SLC16A6: variants seen among roughly 807,000 people sequenced by gnomAD.
SLC16A6 encodes the protein monocarboxylate transporter 7.
Under a neutral mutation model 33.8 loss-of-function variants are expected in SLC16A6, and 15 were observed. The observed-to-expected ratio is 0.44, with a 90% CI of 0.30 to 0.68. The LOEUF is 0.68. Ranked by LOEUF, SLC16A6 falls within the 30% of genes least tolerant of loss-of-function variation. The probability of loss-of-function intolerance (pLI) is 0.10; values close to 1 mark genes in which losing one functional copy is unlikely to be tolerated. For missense variants in SLC16A6, 451 were observed against 661.5 expected (o/e 0.68, Z 3.49); for synonymous variants, 219 against 248.4 (o/e 0.88, Z 1.11).
At chr17:68,289,163 T>C (rs1221147070) in intron 1 of SLC16A6, among the ~76,000 whole-genome samples, 2 of 152,042 alleles carry the variant, frequency 1.3e-5, no homozygotes, top group Non-Finnish European at 2.9e-5. Flanking sequence ...CCGGGCAACA[T>C]AGTGAGGCTG....
intron 2 of SLC16A6, among the ~76,000 whole-genome samples, chr17:68,276,399 T>C (rs1555750952): frequency 6.6e-6 from 1 of 152,132 alleles, no homozygotes; most frequent in African/African-American, 2.4e-5. Context: ...TCCATGACAG[T>C]GTGTAAGTGT....
chr17:68,286,214 A>T (rs1555754321), intron 1 of SLC16A6, among the ~76,000 whole-genome samples: 1 of 152,204 alleles, frequency 6.6e-6, no homozygotes, highest in Non-Finnish European at 1.5e-5. Context: ...TTCTGGTGCC[A>T]GCTGCCCCTT....
chr17:68,271,569 T>G lies in SLC16A6; in HGVS notation c.591A>C (p.Gly197=), dbSNP rs2075341015. Residue 197 remains glycine (G), a synonymous_variant, in exon 5 of 6, where the codon GGA becomes GGC. Transcript: ENST00000580666. The surrounding 1 kb of genome is among the most constrained non-coding windows in gnomAD (Gnocchi z 5.3). Reference sequence around the variant, plus strand: ...TGATAAAGATGGGTCTGAGCAGTGCTCCGAAGATGACAATGTTTAACTGTA... The same window carrying G: ...TGATAAAGATGGGTCTGAGCAGTGCGCCGAAGATGACAATGTTTAACTGTA... The part of the protein sequence containing the change: ...GLLQLNIVIF[G]ALLRPIFIRG... 4.3e-6 allele frequency: 7 copies of G among 1,614,112 alleles called. No homozygotes were observed. Among genetic ancestry groups the G allele is most frequent in the African/African-American group, 1.3e-5 (1 of 74,944 alleles).
At chr17:68,287,905 T>C (rs782480877) in intron 1 of SLC16A6, among the ~76,000 whole-genome samples, 13 of 151,962 alleles carry the variant, frequency 8.6e-5, no homozygotes, top group Non-Finnish European at 1.3e-4. Flanking sequence ...CTTCCTGGAC[T>C]CTTCTCCCTT....
intron 3 of SLC16A6, among the ~76,000 whole-genome samples, chr17:68,273,345 T>C (rs2075404987): frequency 6.6e-6 from 1 of 151,954 alleles, no homozygotes; most frequent in Non-Finnish European, 1.5e-5. Context: ...AGTGATAGGA[T>C]GGTTACAGCT....
rs1246868120 is a variant in SLC16A6, at chr17:68,268,804, G to A, written c.*292C>T. The A allele has an allele frequency of 1.6e-5, 6 of 364,768 alleles. No individual in the cohort carries two copies. Among genetic ancestry groups the A allele is most frequent in the African/African-American group, 6.2e-5 (3 of 48,086 alleles). 22.6% of individuals were successfully genotyped at this position (364,768 alleles called of 1,614,324 possible). A position where few individuals can be genotyped will look rare whatever the true frequency, so the allele number is the denominator to read the frequency against. Reference sequence around the variant, plus strand: ...TTTTAATATCGGAATGTGAACCAAAGAGTCTTTCTACATATCTCTTGTATT... The same window carrying A: ...TTTTAATATCGGAATGTGAACCAAAAAGTCTTTCTACATATCTCTTGTATT... On this transcript the variant is annotated 3_prime_UTR_variant, in exon 6 of 6. Coordinates refer to ENST00000580666, the MANE Select transcript of SLC16A6 (RefSeq NM_004694.5).
chr17:68,275,842 G>T (rs1239231628), intron 2 of SLC16A6, among the ~76,000 whole-genome samples: 2 of 151,790 alleles, frequency 1.3e-5, no homozygotes, highest in Admixed American at 1.3e-4. Flanking sequence ...AATTAGCCAG[G>T]CGTGGTGGCA....
At chr17:68,277,641 C>G (rs546887041) in intron 2 of SLC16A6, among the ~76,000 whole-genome samples, 53 of 152,028 alleles carry the variant, frequency 3.5e-4, no homozygotes, top group Middle Eastern at 3.2e-3. Context: ...TGTTGGCCAG[C>G]CTGGTCTTGA....
intron 1 of SLC16A6, among the ~76,000 whole-genome samples, chr17:68,285,300 T>A (rs782180652): frequency 2.6e-5 from 4 of 152,034 alleles, no homozygotes; most frequent in Admixed American, 6.6e-5. Context: ...ACAAAACATA[T>A]AGTGATAAAA....
intron 1 of SLC16A6, among the ~76,000 whole-genome samples, chr17:68,287,338 T>C (rs1478851997): frequency 6.6e-6 from 1 of 151,956 alleles, no homozygotes. Flanking sequence ...CTTTTTTTTT[T>C]TAATAGAGAC....
intron 1 of SLC16A6, among the ~76,000 whole-genome samples, chr17:68,283,478 G>C (rs1208300449): frequency 6.7e-6 from 1 of 148,560 alleles, no homozygotes; most frequent in South Asian, 2.1e-4. Flanking sequence ...CCGAGATCGC[G>C]CCACTGCACT....
intron 1 of SLC16A6, among the ~76,000 whole-genome samples, chr17:68,282,673 G>A (rs1196891878): frequency 2.0e-5 from 3 of 150,926 alleles, no homozygotes; most frequent in African/African-American, 7.3e-5. Context: ...GCCGGGCATG[G>A]TGGCTCATGC....
rs782052199 is a variant in SLC16A6 at position 68,269,116 on chromosome 17, C to T, written c.1552G>A (p.Val518Met). 36 of 1,515,658 alleles carry T rather than the reference C, an allele frequency of 2.4e-5. No homozygotes were observed. The highest frequency in any genetic ancestry group is 1.1e-4 in the East Asian group (5 of 43,826). 93.9% of individuals were successfully genotyped at this position (1,515,658 alleles called of 1,614,324 possible). ...GTGTGTCATACCGGCTCCATTTGCA[C>T]GTGAACTCTGTGCTCATTTTTTGCA... ...DLAKNEHRVHVQMEPV is the reference protein window; with the variant it reads ...DLAKNEHRVHMQMEPV The change falls in exon 6 of 6, where the codon GTG (valine) becomes ATG (methionine). Residue 518 changes from valine to methionine, a missense_variant. Val to Met is a conservative substitution (Grantham distance 21). Around this residue, in one of 2 missense-constraint regions of SLC16A6, gnomAD observed 46 missense variants for 150.8 expected, o/e 0.31. Coordinates refer to ENST00000580666, the MANE Select transcript of SLC16A6 (RefSeq NM_004694.5).
chr17:68,286,000 C>T (rs1599562167), intron 1 of SLC16A6, among the ~76,000 whole-genome samples: 1 of 152,134 alleles, frequency 6.6e-6, no homozygotes, highest in South Asian at 2.1e-4. Flanking sequence ...ACCTCGTGAT[C>T]CACCCACCTC....
chr17:68,271,045 G>A lies in SLC16A6; in HGVS notation c.1115C>T (p.Ser372Phe). ...ELICVILLTV[S>F]LFAFTFATEF... is the part of the protein sequence containing the mutation. ...AGTAGCAAAAGTAAAGGCAAACAGA[G>A]ACACAGTCAATAAGATGACGCAGAT... The change falls in exon 5 of 6, where the codon TCT (serine) becomes TTT (phenylalanine). Residue 372 changes from serine (S) to phenylalanine (F), a missense_variant. Around this residue, in one of 2 missense-constraint regions of SLC16A6, gnomAD observed 405 missense variants for 510.7 expected, o/e 0.79. Transcript: ENST00000580666. This position sits in a 1 kb window ranked among gnomAD's most constrained non-coding sequence, Gnocchi z 5.3. 2 of 1,614,164 alleles carry A rather than the reference G, an allele frequency of 1.2e-6. No individual in the cohort carries two copies. The highest frequency in any genetic ancestry group is 1.7e-6 in the Non-Finnish European group (2 of 1,180,042).
intron 1 of SLC16A6, chr17:68,285,486 AT>A (rs1479594167): frequency 6.6e-6 from 1 of 152,356 alleles, no homozygotes; most frequent in Non-Finnish European, 1.5e-5. Flanking sequence ...CCTGGCCAAC[AT>A]GGTGAAACCC....
rs1000901843 is a variant in SLC16A6 at position 68,284,348 on chromosome 17, C to A, written c.-7-6021G>T. 4.6e-5 allele frequency among the ~76,000 whole-genome samples: 7 copies of A among 152,144 alleles called. No homozygotes were observed. In the South Asian group the frequency reaches 1.5e-3, roughly 32 times the overall value. On this transcript the variant is annotated intron_variant, in intron 1 of 5. Transcript: ENST00000580666. The stretch of plus-strand genomic sequence containing the variant: ...GGCAGAGGTTGCAATGAGCCAAGAT[C>A]GTGCCACTGCACTCCAGTCTGGGTG...
intron 2 of SLC16A6, chr17:68,274,330 G>A (rs782203017): frequency 9.7e-6 from 3 of 308,970 alleles, no homozygotes; most frequent in South Asian, 9.1e-5. Context: ...GCCAGGCATG[G>A]TGGTGTGCAC....
chr17:68,289,475 C>G (rs1294470579), intron 1 of SLC16A6, among the ~76,000 whole-genome samples: 1 of 152,168 alleles, frequency 6.6e-6, no homozygotes, highest in African/African-American at 2.4e-5. Context: ...AACGCAGGCT[C>G]TGGATGGAAA....
Sources: gnomAD v4.1 joint callset for allele counts (sites outside exome capture counted in the v4.1 genomes callset) on GRCh38, gnomAD v4.1.1 for gene constraint, gnomAD v4.1.1 regional missense constraint, Gnocchi (gnomAD v3.1) non-coding constraint, MANE v1.5 for transcripts, NCBI Gene and HGNC (gene_info 2026-07-23, HGNC 2026-07-21) for gene names.